Variants in NPFFR2 observed in about 807,000 individuals in gnomAD.
NPFFR2 encodes neuropeptide FF receptor 2, also known as G-protein coupled receptor 74.
A neutral mutation model predicts 13.1 loss-of-function variants in NPFFR2; 15 were observed. The ratio of observed to expected loss-of-function variants is 1.15; its 90% CI spans 0.77 to 1.76. NPFFR2 has a LOEUF of 1.76. NPFFR2 is among the 40% of genes most tolerant of loss of function. The pLI is 0.00. For synonymous variants in NPFFR2, 190 were observed against 175.7 expected, an observed-to-expected ratio of 1.08 and a Z score of -0.65; for missense variants, 572 against 503.5, an observed-to-expected ratio of 1.14 and a Z score of -1.30.
At chr4:72,069,073 C>T (rs774101091) in intron 1 of NPFFR2, 2 of 606,844 alleles carry the variant, frequency 3.3e-6, no homozygotes, top group African/African-American at 2.0e-5. Context: ...ATAATACCAA[C>T]ACTACTTAAG....
chr4:72,065,010 A>G (rs1720025503), intron 1 of NPFFR2, among the ~76,000 whole-genome samples: 1 of 152,072 alleles, frequency 6.6e-6, no homozygotes, highest in Admixed American at 6.6e-5. Flanking sequence ...TGAAGGACAG[A>G]GCACAATATC....
At chr4:72,127,240 C>T (rs112094639) in intron 1 of NPFFR2, among the ~76,000 whole-genome samples, 2,909 of 106,128 alleles carry the variant, frequency 0.027, 146 homozygotes, top group African/African-American at 0.1. Flanking sequence ...GGAGGTGGAG[C>T]TTGCAGTGAG....
At chr4:72,071,154 T>A (rs1034420032) in intron 1 of NPFFR2, among the ~76,000 whole-genome samples, 17 of 152,264 alleles carry the variant, frequency 1.1e-4, no homozygotes, top group African/African-American at 4.1e-4. Flanking sequence ...TCCAAGAATC[T>A]ATGTTTTCCT....
chr4:72,053,072 G>A (rs913551298), intron 1 of NPFFR2, among the ~76,000 whole-genome samples: 1 of 151,672 alleles, frequency 6.6e-6, no homozygotes, highest in Non-Finnish European at 1.5e-5. Flanking sequence ...GCTGTAGCTC[G>A]ACCACCTTGG....
chr4:72,146,243 C>A (rs1722779507), intron 3 of NPFFR2, among the ~76,000 whole-genome samples: 1 of 152,174 alleles, frequency 6.6e-6, no homozygotes, highest in African/African-American at 2.4e-5. Flanking sequence ...GGGAGCTAAA[C>A]TGGGGCTGGA....
At chr4:72,136,663 A>G (rs1460815383) in intron 2 of NPFFR2, among the ~76,000 whole-genome samples, 1 of 152,178 alleles carries the variant, frequency 6.6e-6, no homozygotes, top group African/African-American at 2.4e-5. Context: ...GTTACATTCC[A>G]CATTGCCATG....
At chr4:72,090,329 T>C (rs186599904) in intron 1 of NPFFR2, among the ~76,000 whole-genome samples, 1 of 152,088 alleles carries the variant, frequency 6.6e-6, no homozygotes, top group East Asian at 1.9e-4. Context: ...TCCATATGAG[T>C]TTTAGGATGG....
intron 1 of NPFFR2, among the ~76,000 whole-genome samples, chr4:72,067,343 A>G (rs1720104491): frequency 6.6e-6 from 1 of 152,008 alleles, no homozygotes; most frequent in South Asian, 2.1e-4. Flanking sequence ...CCCCACAGCC[A>G]CCCTGGGCTC....
intron 1 of NPFFR2, among the ~76,000 whole-genome samples, chr4:72,044,050 T>G (rs1719309092): frequency 6.6e-6 from 1 of 152,192 alleles, no homozygotes; most frequent in Non-Finnish European, 1.5e-5. Flanking sequence ...GAGTGAGTCC[T>G]CACAAGATCT....
At chr4:72,095,226 T>C (rs1721029808) in intron 1 of NPFFR2, among the ~76,000 whole-genome samples, 1 of 152,174 alleles carries the variant, frequency 6.6e-6, no homozygotes, top group Admixed American at 6.5e-5. Context: ...TGGACATAAT[T>C]ACAGATATGT....
At chr4:72,070,868 T>A (rs557171989) in intron 1 of NPFFR2, among the ~76,000 whole-genome samples, 1 of 152,282 alleles carries the variant, frequency 6.6e-6, no homozygotes, top group East Asian at 1.9e-4. Flanking sequence ...TAATGAACTT[T>A]GTGGTTGTTT....
chr4:72,111,949 T>C (rs1721578451), intron 1 of NPFFR2, among the ~76,000 whole-genome samples: 1 of 152,034 alleles, frequency 6.6e-6, no homozygotes, highest in Admixed American at 6.6e-5. Context: ...CTACTGAACA[T>C]TGAAAACCTC....
intron 1 of NPFFR2, among the ~76,000 whole-genome samples, chr4:72,071,658 C>T (rs1329561456): frequency 6.6e-6 from 1 of 152,116 alleles, no homozygotes; most frequent in Admixed American, 6.6e-5. Flanking sequence ...GCACATGTAC[C>T]TGGAATAGCT....
intron 1 of NPFFR2, among the ~76,000 whole-genome samples, chr4:72,094,114 G>T (rs1375678946): frequency 2.6e-5 from 4 of 152,114 alleles, no homozygotes; most frequent in African/African-American, 9.7e-5. Context: ...TCTGGATCTA[G>T]CCACTCAGCT....
chr4:72,147,098 T>C lies in NPFFR2; in HGVS notation c.549T>C (p.His183=). The part of the protein sequence containing the change: ...TIMSPSAVML[H]VQEEKYYRVR... The stretch of plus-strand genomic sequence containing the variant: ...TGTCTCCATCTGCAGTAATGTTACA[T>C]GTGCAAGAAGAAAAATATTACCGAG... Residue 183 remains histidine (H), a synonymous_variant, in exon 4 of 4, where the codon CAT becomes CAC. Coordinates refer to ENST00000308744, the MANE Select transcript of NPFFR2 (RefSeq NM_004885.3). 6.2e-7 allele frequency: 1 copy of C among 1,614,038 alleles called. No homozygotes were observed. The highest frequency in any genetic ancestry group is 1.3e-5 in the African/African-American group (1 of 75,010).
intron 1 of NPFFR2, among the ~76,000 whole-genome samples, chr4:72,122,413 C>T (rs1232806754): frequency 6.6e-6 from 1 of 152,110 alleles, no homozygotes; most frequent in Non-Finnish European, 1.5e-5. Context: ...TAACAGACAT[C>T]TACAGAACTC....
At chr4:72,085,405 G>A (rs571366522) in intron 1 of NPFFR2, among the ~76,000 whole-genome samples, 16 of 152,064 alleles carry the variant, frequency 1.1e-4, no homozygotes, top group Non-Finnish European at 1.5e-4. Context: ...TGTATATTTT[G>A]CATTTCAAGC....
intron 1 of NPFFR2, among the ~76,000 whole-genome samples, chr4:72,035,934 C>G (rs1252661717): frequency 6.6e-6 from 1 of 152,028 alleles, no homozygotes; most frequent in Non-Finnish European, 1.5e-5. Context: ...TTTTTCTAGT[C>G]CTTCAAACAA....
At position 72,063,337 on chromosome 4, in the gene NPFFR2, C is replaced by G. The variant is rs541214599; in HGVS notation, c.-8+31137C>G. ...ACAAATCAGAAGCAATTATTCATTCCTTGCATTTTGCATTCTACACTAACT... is the reference window on the plus strand; with the variant it reads ...ACAAATCAGAAGCAATTATTCATTCGTTGCATTTTGCATTCTACACTAACT... On this transcript the variant is annotated intron_variant, in intron 1 of 3. Coordinates refer to ENST00000308744, the MANE Select transcript of NPFFR2 (RefSeq NM_004885.3). 3.3e-5 allele frequency among the ~76,000 whole-genome samples: 5 copies of G among 152,262 alleles called. No homozygotes were observed. The South Asian group carries it at 1.0e-3, about 32-fold the overall frequency.
Sources: gnomAD v4.1 joint callset for allele counts (sites outside exome capture counted in the v4.1 genomes callset) on GRCh38, gnomAD v4.1.1 for gene constraint, MANE v1.5 for transcripts, NCBI Gene and HGNC (gene_info 2026-07-23, HGNC 2026-07-21) for gene names.